UNC13B: variants seen among roughly 807,000 people sequenced by gnomAD.
The protein encoded by UNC13B is unc-13 homolog B.
UNC13B carries 144 observed loss-of-function variants against 211.0 expected under a neutral mutation model. The ratio of observed to expected loss-of-function variants is 0.68; its 90% CI spans 0.60 to 0.78. UNC13B has a LOEUF of 0.78. UNC13B is among the 30% of genes least tolerant of loss of function. The probability of loss-of-function intolerance (pLI) is 0.00; values close to 1 mark genes in which losing one functional copy is unlikely to be tolerated. For synonymous variants in UNC13B, 709 were observed against 725.8 expected (o/e 0.98, Z 0.37); for missense variants, 1,777 against 2,002.0 (o/e 0.89, Z 2.14).
At position 35,299,639 on chromosome 9, in the gene UNC13B, T is replaced by C. The variant is rs371502605; in HGVS notation, c.762-527T>C. Among the ~76,000 whole-genome samples the C allele has an allele frequency of 7.2e-4, 110 of 152,332 alleles. 1 individual carries two copies. In the South Asian group the frequency reaches 0.018, roughly 25 times the overall value. ...ATTGATATTATAGCTGTTCTTTTTC[T>C]CATATGGAATAAACTATTTGACTAC... On this transcript the variant is annotated intron_variant, in intron 8 of 39. Transcript: ENST00000635942.
chr9:35,282,422 T>G (rs1165656456), intron 7 of UNC13B, among the ~76,000 whole-genome samples: 1 of 152,050 alleles, frequency 6.6e-6, no homozygotes, highest in Non-Finnish European at 1.5e-5. Flanking sequence ...TTACAATTTT[T>G]TTTGTTTGTT....
At chr9:35,385,571 A>G in intron 22 of UNC13B, 153 bp from the exon 23 acceptor site, 1 of 985,438 alleles carries the variant, frequency 1.0e-6, no homozygotes, top group Non-Finnish European at 1.2e-6. Flanking sequence ...AAAAAAGAGA[A>G]GGAGACCTGT....
intron 1 of UNC13B, among the ~76,000 whole-genome samples, chr9:35,223,606 A>G (rs868181439): frequency 3.3e-5 from 5 of 151,930 alleles, no homozygotes; most frequent in Non-Finnish European, 7.4e-5. Context: ...TAGTTTGCAA[A>G]TATTGTCTCC....
chr9:35,250,182 A>G (rs1040092367), intron 6 of UNC13B, among the ~76,000 whole-genome samples: 75 of 152,090 alleles, frequency 4.9e-4, no homozygotes, highest in African/African-American at 1.8e-3. Context: ...AATATAATTT[A>G]TATATACCAT....
chr9:35,176,386 A>G (rs1821635602), intron 1 of UNC13B, among the ~76,000 whole-genome samples: 3 of 152,018 alleles, frequency 2.0e-5, no homozygotes. Flanking sequence ...CGTCTCTACT[A>G]AAAATAAAAA....
intron 12 of UNC13B, 51 bp downstream of exon 12, chr9:35,367,044 T>A (rs758832166): frequency 1.2e-5 from 19 of 1,550,520 alleles, no homozygotes; most frequent in South Asian, 2.2e-5. Flanking sequence ...TATCTCTTGA[T>A]GCTTTTAGCT....
At position 35,403,125 on chromosome 9, in the gene UNC13B, A is replaced by G. The variant is rs780601362; in HGVS notation, c.12485-42A>G. 1.9e-5 allele frequency: 30 copies of G among 1,599,156 alleles called. No homozygotes were observed. In the Middle Eastern group the frequency reaches 6.6e-4, roughly 35 times the overall value. ...TCCTCACCCCTCAGGTTTACCTCCT[A>G]CAGTTCTCCAATGGGGAATCATCTC... On this transcript the variant is annotated intron_variant, in intron 37 of 39. Coordinates refer to ENST00000635942, the MANE Select transcript of UNC13B (RefSeq NM_001371189.2).
At chr9:35,206,716 G>A (rs1823668117) in intron 1 of UNC13B, among the ~76,000 whole-genome samples, 2 of 151,872 alleles carry the variant, frequency 1.3e-5, no homozygotes. Context: ...TCTACTAAAA[G>A]TGCAATAATT....
At chr9:35,327,687 A>C (rs962429164) in intron 11 of UNC13B, among the ~76,000 whole-genome samples, 2 of 152,166 alleles carry the variant, frequency 1.3e-5, no homozygotes, top group African/African-American at 4.8e-5. Flanking sequence ...CACAACACCC[A>C]GAAACAATAC....
intron 12 of UNC13B, among the ~76,000 whole-genome samples, chr9:35,369,072 C>T (rs1268389640): frequency 6.6e-6 from 1 of 152,202 alleles, no homozygotes; most frequent in African/African-American, 2.4e-5. Flanking sequence ...GAACTTCCCT[C>T]AGTCTGGTAG....
In UNC13B at chr9:35,239,319, G is replaced by A. The variant is rs533787165; in HGVS notation, c.394+1493G>A. ...TTAAAGCTGGGTGTCCAGGGGAGACGTCACATGTCGGCAGGTTCTGTGATG... is the reference window on the plus strand; with the variant it reads ...TTAAAGCTGGGTGTCCAGGGGAGACATCACATGTCGGCAGGTTCTGTGATG... On this transcript the variant is annotated intron_variant, in intron 5 of 39. Coordinates refer to ENST00000635942, the MANE Select transcript of UNC13B (RefSeq NM_001371189.2). Among the ~76,000 whole-genome samples the A allele has an allele frequency of 4.6e-5, 7 of 152,196 alleles. No homozygotes were observed. The South Asian group carries it at 1.0e-3, about 23-fold the overall frequency.
rs1834034964 is a variant in UNC13B, at chr9:35,370,333, C to T, written c.9477C>T (p.Leu3159=). The T allele has an allele frequency of 6.2e-7, 1 of 1,613,984 alleles. No homozygotes were observed. The highest frequency in any genetic ancestry group is 8.5e-7 in the Non-Finnish European group (1 of 1,179,994). The change falls in exon 13 of 40, where the codon CTC becomes CTT. Residue 3159 remains leucine (L), a synonymous_variant. Transcript: ENST00000635942. ...QWLPEGPAGG[L]YGIDSMPDLR... is the part of the protein sequence containing the mutation. The stretch of plus-strand genomic sequence containing the variant: ...CTCTCCTCAGGCCAGCCGGAGGGCT[C>T]TATGGCATTGACAGCATGCCAGATT...
chr9:35,221,484 CACTTGTCAGAAGAATAGTTTGCAAATT>C (rs1824562017), intron 1 of UNC13B, among the ~76,000 whole-genome samples: 2 of 152,198 alleles, frequency 1.3e-5, no homozygotes, highest in African/African-American at 4.8e-5. Context: ...GGTTATTAAT[CACTTGTCAGAAGAATAGTTTGCAAATT>C]ACTTTTTCTC....
intron 7 of UNC13B, among the ~76,000 whole-genome samples, chr9:35,294,960 C>T (rs903538065): frequency 1.3e-5 from 2 of 152,228 alleles, no homozygotes; most frequent in East Asian, 1.9e-4. Context: ...ATAAACTTGG[C>T]TGCATTGTCA....
intron 20 of UNC13B, 115 bp from the exon 21 acceptor site, chr9:35,382,242 G>A: frequency 1.4e-6 from 2 of 1,398,060 alleles, no homozygotes. Flanking sequence ...AGGCAAGAGA[G>A]GGCAGCAATT....
At chr9:35,310,908 C>A in intron 10 of UNC13B, 127 bp downstream of exon 10, 1 of 822,256 alleles carries the variant, frequency 1.2e-6, no homozygotes. Context: ...CACCTCCAGG[C>A]TCAACTCTGT....
In UNC13B at chr9:35,243,335, C is replaced by A. The variant is rs781367547; in HGVS notation, c.439C>A (p.Gln147Lys). 4.0e-5 allele frequency: 65 copies of A among 1,613,398 alleles called. 1 individual carries two copies. The highest frequency in any genetic ancestry group is 5.3e-5 in the Non-Finnish European group (62 of 1,179,604). Residue 147 changes from glutamine to lysine, a missense_variant, in exon 6 of 40, where the codon CAA becomes AAA. By Grantham distance (53) the Gln-to-Lys change is moderately conservative. Transcript: ENST00000635942. ...EARYWTYKWEQINALGADNEY... is the reference protein window; with the variant it reads ...EARYWTYKWEKINALGADNEY... Reference sequence around the variant, plus strand: ...CAGATATTGGACCTACAAATGGGAGCAAATCAATGCCTTGGGAGCTGACAA... The same window carrying A: ...CAGATATTGGACCTACAAATGGGAGAAAATCAATGCCTTGGGAGCTGACAA...
intron 23 of UNC13B, 71 bp downstream of exon 23, chr9:35,385,884 T>A: frequency 1.3e-6 from 2 of 1,552,336 alleles, no homozygotes; most frequent in Non-Finnish European, 1.7e-6. Flanking sequence ...AGAATGAGAA[T>A]CATTGGGCAG....
intron 11 of UNC13B, among the ~76,000 whole-genome samples, chr9:35,329,491 A>G (rs1354905920): frequency 2.1e-5 from 3 of 144,738 alleles, no homozygotes; most frequent in Non-Finnish European, 3.0e-5. Context: ...GCATTGTGAG[A>G]TTTTTTTTTT....
Sources: allele counts gnomAD v4.1 joint callset (sites outside exome capture counted in the v4.1 genomes callset), GRCh38; gene constraint gnomAD v4.1.1; transcripts MANE v1.5; gene names NCBI Gene and HGNC (gene_info 2026-07-23, HGNC 2026-07-21).